Variants in CPE observed in about 807,000 individuals in gnomAD.
CPE encodes carbocypeptidase E.
In CPE, 17 loss-of-function variants were observed where a neutral mutation model predicts 53.5. That is an observed-to-expected ratio of 0.32 (90% confidence interval 0.22 to 0.48). The LOEUF (loss-of-function observed/expected upper bound fraction) is 0.48, where lower values mean the gene tolerates loss of function less well. Among genes scored for constraint, CPE ranks in the 20% least tolerant of loss-of-function variants. The probability of loss-of-function intolerance (pLI) is 0.99; values close to 1 mark genes in which losing one functional copy is unlikely to be tolerated. For missense variants in CPE, 524 were observed against 614.7 expected (o/e 0.85, Z 1.56); for synonymous variants, 226 against 228.8 (o/e 0.99, Z 0.11).
intron 1 of CPE, among the ~76,000 whole-genome samples, chr4:165,430,770 A>T (rs544576192): frequency 6.6e-6 from 1 of 152,328 alleles, no homozygotes; most frequent in South Asian, 2.1e-4. Context: ...GCTGTACTTC[A>T]GGAAAAGAAA....
intron 1 of CPE, among the ~76,000 whole-genome samples, chr4:165,437,570 GT>G (rs1731528863): frequency 6.6e-6 from 1 of 152,186 alleles, no homozygotes; most frequent in African/African-American, 2.4e-5. Flanking sequence ...GGAAGGCACA[GT>G]TGTGGCTCTT....
At chr4:165,474,259 G>C (rs764424462) in intron 3 of CPE, among the ~76,000 whole-genome samples, 6 of 152,204 alleles carry the variant, frequency 3.9e-5, no homozygotes, top group Non-Finnish European at 7.3e-5. Context: ...TCCTGCATAA[G>C]GGCAATGGGT....
chr4:165,398,022 G>A (rs1311106079), intron 1 of CPE, among the ~76,000 whole-genome samples: 1 of 141,230 alleles, frequency 7.1e-6, no homozygotes, highest in African/African-American at 2.7e-5. Context: ...ACTGTACACA[G>A]CTTGAGCGAC....
At position 165,404,563 on chromosome 4, in the gene CPE, A is replaced by G. The variant is rs531071620; in HGVS notation, c.307+25035A>G. On this transcript the variant is annotated intron_variant, in intron 1 of 8. Coordinates refer to ENST00000402744, the MANE Select transcript of CPE (RefSeq NM_001873.4). Reference sequence around the variant, plus strand: ...AGGCTTTGCCCAGATCTTTGGCCACATGTTTCGCTACATCCACGCCAACTT... The same window carrying G: ...AGGCTTTGCCCAGATCTTTGGCCACGTGTTTCGCTACATCCACGCCAACTT... 2.4e-5 allele frequency: 23 copies of G among 946,366 alleles called. 1 individual carries two copies. The South Asian group carries it at 2.6e-4, about 11-fold the overall frequency. 58.6% of individuals were successfully genotyped at this position (946,366 alleles called of 1,614,324 possible). A position where few individuals can be genotyped will look rare whatever the true frequency, so the allele number is the denominator to read the frequency against.
intron 1 of CPE, among the ~76,000 whole-genome samples, chr4:165,463,967 T>A (rs1732052930): frequency 6.6e-6 from 1 of 152,196 alleles, no homozygotes; most frequent in Non-Finnish European, 1.5e-5. Context: ...TGGTGAGGCC[T>A]CTCCTCCTGG....
At chr4:165,380,836 A>G (rs1485264749) in intron 1 of CPE, among the ~76,000 whole-genome samples, 1 of 152,238 alleles carries the variant, frequency 6.6e-6, no homozygotes, top group Non-Finnish European at 1.5e-5. Context: ...AGATCCTAGA[A>G]AACATTTAAT....
intron 3 of CPE, among the ~76,000 whole-genome samples, chr4:165,481,343 T>C (rs1239468899): frequency 6.6e-6 from 1 of 152,146 alleles, no homozygotes; most frequent in Non-Finnish European, 1.5e-5. Flanking sequence ...TCAGAACTAT[T>C]CATAAACAGA....
chr4:165,401,592 A>T (rs1196406354), intron 1 of CPE, among the ~76,000 whole-genome samples: 1 of 152,276 alleles, frequency 6.6e-6, no homozygotes, highest in Non-Finnish European at 1.5e-5. Context: ...TTAATGGCAC[A>T]CAACATACAC....
chr4:165,445,171 G>T (rs1299043863), intron 1 of CPE, among the ~76,000 whole-genome samples: 1 of 152,118 alleles, frequency 6.6e-6, no homozygotes, highest in South Asian at 2.1e-4. Context: ...GGCTGGGCTG[G>T]TCTCGAACTC....
At chr4:165,497,186 C>G (rs1324821268) in intron 8 of CPE, among the ~76,000 whole-genome samples, 1 of 152,162 alleles carries the variant, frequency 6.6e-6, no homozygotes, top group Non-Finnish European at 1.5e-5. Context: ...TCCCAAAGTG[C>G]TGGGATTACA....
intron 1 of CPE, among the ~76,000 whole-genome samples, chr4:165,413,134 C>T (rs1193205938): frequency 2.6e-5 from 4 of 152,170 alleles, no homozygotes; most frequent in Admixed American, 6.5e-5. Context: ...ATGCCAGTTC[C>T]CTGGCCTCAA....
At chr4:165,440,721 C>T (rs575872992) in intron 1 of CPE, among the ~76,000 whole-genome samples, 8 of 152,008 alleles carry the variant, frequency 5.3e-5, no homozygotes, top group Non-Finnish European at 1.2e-4. Context: ...ACCACCTCTG[C>T]CCCTATGTCA....
chr4:165,461,166 C>CAAAA (rs1173022270), intron 1 of CPE, among the ~76,000 whole-genome samples: 1,026 of 43,856 alleles, frequency 0.023, 27 homozygotes, highest in East Asian at 0.066. Flanking sequence ...GCCTCTGCCT[C>CAAAA]AAAAAAAAAA....
chr4:165,420,285 TTTTG>T (rs1322730551), intron 1 of CPE, among the ~76,000 whole-genome samples: 5 of 152,184 alleles, frequency 3.3e-5, no homozygotes, highest in Non-Finnish European at 4.4e-5. Flanking sequence ...GTTTTATAAC[TTTTG>T]TTTCTCAGAA....
chr4:165,429,852 C>A (rs952452650), intron 1 of CPE, among the ~76,000 whole-genome samples: 1 of 151,842 alleles, frequency 6.6e-6, no homozygotes, highest in Admixed American at 6.6e-5. Context: ...TGTGCTTGTG[C>A]TTTTTGGGTT....
intron 1 of CPE, chr4:165,404,063 G>T: frequency 1.0e-6 from 1 of 967,062 alleles, no homozygotes; most frequent in Non-Finnish European, 1.7e-6. Flanking sequence ...CATGAGGCCT[G>T]CTCACTGATG....
chr4:165,497,326 A>T (rs868257970), intron 8 of CPE, among the ~76,000 whole-genome samples, 186 bp from the exon 9 acceptor site: 1 of 152,104 alleles, frequency 6.6e-6, no homozygotes, highest in Non-Finnish European at 1.5e-5. Context: ...AAGGCTTTTG[A>T]ATTTTGCTTT....
chr4:165,489,476 A>G (rs1732563237), intron 6 of CPE, among the ~76,000 whole-genome samples: 1 of 152,178 alleles, frequency 6.6e-6, no homozygotes, highest in African/African-American at 2.4e-5. Flanking sequence ...ATCACAAGAG[A>G]GGAGGAGAGC....
chr4:165,445,823 A>C (rs934403453), intron 1 of CPE, among the ~76,000 whole-genome samples: 2 of 152,168 alleles, frequency 1.3e-5, no homozygotes. Flanking sequence ...ATGTTAGAAA[A>C]GAGACTTATA....
Sources: gnomAD v4.1 joint callset for allele counts (sites outside exome capture counted in the v4.1 genomes callset) on GRCh38, gnomAD v4.1.1 for gene constraint, MANE v1.5 for transcripts, NCBI Gene and HGNC (gene_info 2026-07-23, HGNC 2026-07-21) for gene names.